GAREM1: variants seen among roughly 807,000 people sequenced by gnomAD.
GAREM1 encodes the protein GRB2 associated regulator of MAPK1 subtype 1.
Under a neutral mutation model 71.3 loss-of-function variants are expected in GAREM1, and 26 were observed. The ratio of observed to expected loss-of-function variants is 0.36; its 90% confidence interval spans 0.27 to 0.51. The LOEUF (loss-of-function observed/expected upper bound fraction) is 0.51, where lower values mean the gene tolerates loss of function less well. Among genes scored for constraint, GAREM1 ranks in the 20% least tolerant of loss-of-function variants. The pLI is 0.95. For synonymous variants in GAREM1, 440 were observed against 433.2 expected, an observed-to-expected ratio of 1.02 and a Z score of -0.20; for missense variants, 1,026 against 1,103.1, an observed-to-expected ratio of 0.93 and a Z score of 0.99.
intron 2 of GAREM1, among the ~76,000 whole-genome samples, chr18:32,391,592 T>G (rs2048199487): frequency 6.6e-6 from 1 of 152,190 alleles, no homozygotes; most frequent in African/African-American, 2.4e-5. Context: ...GAATTTGGAC[T>G]TGCTAAAAGT....
At chr18:32,389,503 C>G (rs767391434) in intron 2 of GAREM1, among the ~76,000 whole-genome samples, 1 of 152,174 alleles carries the variant, frequency 6.6e-6, no homozygotes, top group East Asian at 1.9e-4. Context: ...GTAATATAGA[C>G]AGAAAATGGC....
chr18:32,351,569 A>C (rs534926639), intron 2 of GAREM1, among the ~76,000 whole-genome samples: 2 of 152,362 alleles, frequency 1.3e-5, no homozygotes, highest in East Asian at 3.9e-4. Flanking sequence ...AAGTTTAACC[A>C]AGAGAAGTAT....
chr18:32,329,457 C>A (rs2047508021), intron 2 of GAREM1, among the ~76,000 whole-genome samples: 1 of 151,748 alleles, frequency 6.6e-6, no homozygotes, highest in Non-Finnish European at 1.5e-5. Context: ...CCTACAATCC[C>A]AGCACTTTGG....
chr18:32,467,179 C>T (rs1356995231), intron 1 of GAREM1, among the ~76,000 whole-genome samples: 1 of 152,136 alleles, frequency 6.6e-6, no homozygotes, highest in Non-Finnish European at 1.5e-5. Flanking sequence ...TCTGTAACCT[C>T]TTCTTCCCCA....
intron 2 of GAREM1, among the ~76,000 whole-genome samples, chr18:32,364,011 TATATATATATA>T (rs2047897121): frequency 3.5e-5 from 2 of 57,552 alleles, no homozygotes; most frequent in African/African-American, 1.8e-4. Context: ...TATATATATA[TATATATATATA>T]TATATGTTTT....
At chr18:32,369,956 G>T (rs1176589028) in intron 2 of GAREM1, among the ~76,000 whole-genome samples, 1 of 152,190 alleles carries the variant, frequency 6.6e-6, no homozygotes, top group Non-Finnish European at 1.5e-5. Context: ...TGAACAAGGT[G>T]ACCCTTCACT....
At chr18:32,315,454 GTA>G (rs1175007026) in intron 2 of GAREM1, among the ~76,000 whole-genome samples, 3 of 141,476 alleles carry the variant, frequency 2.1e-5, no homozygotes, top group Non-Finnish European at 3.1e-5. Flanking sequence ...ATATATAAAA[GTA>G]TATATATAAA....
At chr18:32,322,725 T>C (rs558027317) in intron 2 of GAREM1, among the ~76,000 whole-genome samples, 4 of 152,350 alleles carry the variant, frequency 2.6e-5, no homozygotes, top group Admixed American at 6.5e-5. Context: ...ATGAAGGAAC[T>C]TAAGAGCCAG....
chr18:32,363,262 A>G (rs2047885282), intron 2 of GAREM1, among the ~76,000 whole-genome samples: 1 of 152,172 alleles, frequency 6.6e-6, no homozygotes, highest in African/African-American at 2.4e-5. Context: ...TAAAACATGA[A>G]TTATTTTAAG....
At chr18:32,320,811 C>T (rs535647598) in intron 2 of GAREM1, among the ~76,000 whole-genome samples, 23 of 152,282 alleles carry the variant, frequency 1.5e-4, no homozygotes, top group Non-Finnish European at 2.5e-4. Context: ...GGGAAGACTG[C>T]ATTTTTCATT....
At chr18:32,378,012 CTGTGTGTG>C (rs1157230204) in intron 2 of GAREM1, among the ~76,000 whole-genome samples, 507 of 131,856 alleles carry the variant, frequency 3.8e-3, no homozygotes, top group Middle Eastern at 0.02. Flanking sequence ...TACTATATAA[CTGTGTGTG>C]TGTGTGTGTG....
intron 2 of GAREM1, among the ~76,000 whole-genome samples, chr18:32,344,152 C>T (rs780843002): frequency 2.6e-5 from 4 of 152,180 alleles, no homozygotes; most frequent in Non-Finnish European, 5.9e-5. Context: ...AACTGCGCTG[C>T]CTTCCTCCCC....
At chr18:32,269,165 C>T (rs2041420313) in intron 5 of GAREM1, among the ~76,000 whole-genome samples, 1 of 152,192 alleles carries the variant, frequency 6.6e-6, no homozygotes, top group Non-Finnish European at 1.5e-5. Flanking sequence ...GTGGCGCATG[C>T]TTGCCATGCT....
At chr18:32,380,388 A>G (rs1034756660) in intron 2 of GAREM1, among the ~76,000 whole-genome samples, 1 of 149,988 alleles carries the variant, frequency 6.7e-6, no homozygotes, top group Non-Finnish European at 1.5e-5. Context: ...AGGTGGGATA[A>G]TTGCTTGAAC....
At chr18:32,305,884 C>T (rs559566582) in intron 3 of GAREM1, among the ~76,000 whole-genome samples, 3 of 152,294 alleles carry the variant, frequency 2.0e-5, no homozygotes, top group African/African-American at 7.2e-5. Context: ...CCATCAACAC[C>T]TTTGCTGATC....
rs2041362161 is a variant in GAREM1 at position 32,265,588 on chromosome 18, C to T, written c.*2283G>A. On this transcript the variant is annotated 3_prime_UTR_variant, in exon 6 of 6. Transcript: ENST00000269209. ...CATAAGTGAATCAAAGGCCACAGTC[C>T]CTGCCCTCAAGGAGTCTCTGCGTTG... 1 of 152,218 alleles carries T rather than the reference C, an allele frequency of 6.6e-6. No homozygotes were observed. The highest frequency in any genetic ancestry group is 2.1e-4 in the South Asian group (1 of 4,798). The allele number at this position is 152,218 out of a possible 1,614,324, so 9.4% of individuals were successfully genotyped here. A position where few individuals can be genotyped will look rare whatever the true frequency, so the allele number is the denominator to read the frequency against.
intron 4 of GAREM1, among the ~76,000 whole-genome samples, chr18:32,275,694 T>C (rs532061362): frequency 6.6e-6 from 1 of 152,200 alleles, no homozygotes; most frequent in Non-Finnish European, 1.5e-5. Context: ...CTCTTTTTTT[T>C]TGAGACTGAG....
rs772296338 is a variant in GAREM1 at position 32,267,499 on chromosome 18, G to GTGT, written c.*371_*372insACA. The GTGT allele has an allele frequency of 4.2e-5, 6 of 143,230 alleles. No individual in the cohort carries two copies. Among genetic ancestry groups the GTGT allele is most frequent in the Admixed American group, 1.4e-4 (2 of 14,124 alleles). The allele number at this position is 143,230 out of a possible 1,614,324, so 8.9% of individuals were successfully genotyped here. A position where few individuals can be genotyped will look rare whatever the true frequency, so the allele number is the denominator to read the frequency against. On this transcript the variant is annotated 3_prime_UTR_variant, in exon 6 of 6. Transcript: ENST00000269209. ...TGAAAGAAGGGACTTGTTCAAAAGT[G>GTGT]TTTTTTTTTTTTTTTTAAAGATTTT...
At position 32,304,306 on chromosome 18, in the gene GAREM1, C is replaced by CA. The variant is rs569901138; in HGVS notation, c.393+5886dup. Among the ~76,000 whole-genome samples the CA allele has an allele frequency of 6.9e-3, 969 of 140,248 alleles. 4 individuals carry two copies. Among genetic ancestry groups the CA allele is most frequent in the Middle Eastern group, 0.011 (3 of 278 alleles). 92.0% of individuals were successfully genotyped at this position (140,248 alleles called of 152,430 possible). A position where few individuals can be genotyped will look rare whatever the true frequency, so the allele number is the denominator to read the frequency against. ...TGGGTGACAGAGCGAGACTCTGTCT[C>CA]AAAAAAAAATAAAATAACATAAAAT... On this transcript the variant is annotated intron_variant, in intron 3 of 5. Coordinates refer to ENST00000269209, the MANE Select transcript of GAREM1 (RefSeq NM_001242409.2).
Sources: gnomAD v4.1 joint callset for allele counts (sites outside exome capture counted in the v4.1 genomes callset) on GRCh38, gnomAD v4.1.1 for gene constraint, MANE v1.5 for transcripts, NCBI Gene and HGNC (gene_info 2026-07-23, HGNC 2026-07-21) for gene names.